DISC1: variants seen among roughly 807,000 people sequenced by gnomAD.
The protein encoded by DISC1 is DISC1 scaffold protein.
Under a neutral mutation model 84.5 loss-of-function variants are expected in DISC1, and 57 were observed. The ratio of observed to expected loss-of-function variants is 0.67; its 90% CI spans 0.55 to 0.84. The LOEUF is 0.84. Ranked by LOEUF, DISC1 falls within the 40% of genes least tolerant of loss-of-function variation. The pLI is 0.00. For missense variants in DISC1, 1,000 were observed against 1,057.8 expected, an observed-to-expected ratio of 0.95 and a Z score of 0.76; for synonymous variants, 411 against 415.2, an observed-to-expected ratio of 0.99 and a Z score of 0.12.
At chr1:231,696,038 AC>A (rs1484169105) in intron 2 of DISC1, among the ~76,000 whole-genome samples, 1 of 151,918 alleles carries the variant, frequency 6.6e-6, no homozygotes, top group African/African-American at 2.4e-5. Flanking sequence ...TTTCCCCGAA[AC>A]CCGTTCTGAA....
At chr1:231,943,159 A>G (rs1333154805) in intron 9 of DISC1, among the ~76,000 whole-genome samples, 1 of 152,246 alleles carries the variant, frequency 6.6e-6, no homozygotes. Flanking sequence ...AGCATGTTCT[A>G]TTGTCCTACC....
intron 1 of DISC1, among the ~76,000 whole-genome samples, chr1:231,667,257 A>G (rs1201521882): frequency 1.3e-5 from 2 of 152,250 alleles, no homozygotes; most frequent in African/African-American, 2.4e-5. Flanking sequence ...CAAGGGAGGT[A>G]GGAAGAAAAG....
chr1:231,778,901 C>A (rs922122659), intron 6 of DISC1, among the ~76,000 whole-genome samples: 1 of 152,184 alleles, frequency 6.6e-6, no homozygotes, highest in African/African-American at 2.4e-5. Context: ...GAGTTCCCAG[C>A]CCCAGTGGGC....
intron 9 of DISC1, among the ~76,000 whole-genome samples, chr1:231,861,548 A>G (rs1420397768): frequency 3.7e-5 from 5 of 135,380 alleles, no homozygotes; most frequent in Non-Finnish European, 6.3e-5. Context: ...GAGCCTAATT[A>G]TTATTTAGTT....
At chr1:231,827,014 A>C (rs2081902777) in intron 9 of DISC1, among the ~76,000 whole-genome samples, 1 of 151,966 alleles carries the variant, frequency 6.6e-6, no homozygotes, top group Non-Finnish European at 1.5e-5. Context: ...TTTGAGACAG[A>C]GTCTCAGTCT....
chr1:232,007,204 G>A (rs758851973), intron 10 of DISC1, among the ~76,000 whole-genome samples: 7 of 152,198 alleles, frequency 4.6e-5, no homozygotes, highest in Non-Finnish European at 8.8e-5. Context: ...CCCACACTGA[G>A]TCCCCACTGG....
chr1:231,709,862 T>G (rs374094005), intron 3 of DISC1, among the ~76,000 whole-genome samples: 8 of 152,172 alleles, frequency 5.3e-5, no homozygotes, highest in Admixed American at 2.0e-4. Context: ...TAGAGTCCGG[T>G]TGATGAAGCA....
intron 9 of DISC1, among the ~76,000 whole-genome samples, chr1:231,921,961 T>C (rs1174685435): frequency 6.6e-6 from 1 of 152,206 alleles, no homozygotes; most frequent in Non-Finnish European, 1.5e-5. Flanking sequence ...TGAAACTTTT[T>C]ACCCTTTGAT....
chr1:231,702,455 G>A (rs1026713579), intron 3 of DISC1: 28 of 987,268 alleles, frequency 2.8e-5, no homozygotes, highest in Non-Finnish European at 3.4e-5. Flanking sequence ...CCTTCATGGG[G>A]CTCTCTGACT....
At chr1:231,654,134 G>T (rs997973707) in intron 1 of DISC1, among the ~76,000 whole-genome samples, 1 of 152,210 alleles carries the variant, frequency 6.6e-6, no homozygotes. Context: ...CAATGGCTAC[G>T]TTTGAAGTGA....
intron 10 of DISC1, among the ~76,000 whole-genome samples, chr1:231,997,795 T>C (rs1328318816): frequency 2.0e-5 from 3 of 152,184 alleles, no homozygotes; most frequent in African/African-American, 7.2e-5. Flanking sequence ...CACTGGGACC[T>C]GCACAAGTGA....
intron 9 of DISC1, among the ~76,000 whole-genome samples, chr1:231,914,914 G>A (rs1325100808): frequency 6.6e-6 from 1 of 152,246 alleles, no homozygotes; most frequent in Non-Finnish European, 1.5e-5. Flanking sequence ...TCCTGTACCA[G>A]TCAGGAGCCT....
intron 9 of DISC1, among the ~76,000 whole-genome samples, chr1:231,939,465 T>C (rs2091172774): frequency 6.6e-6 from 1 of 152,224 alleles, no homozygotes; most frequent in Admixed American, 6.5e-5. Flanking sequence ...CATTCTCCTT[T>C]GTAGGGCCCT....
chr1:231,726,138 A>G (rs2070655593), intron 3 of DISC1, among the ~76,000 whole-genome samples: 1 of 152,220 alleles, frequency 6.6e-6, no homozygotes, highest in African/African-American at 2.4e-5. Flanking sequence ...GCTTAATAAC[A>G]GGCACAGCCC....
intron 9 of DISC1, among the ~76,000 whole-genome samples, chr1:231,933,523 C>T (rs755354242): frequency 6.6e-6 from 1 of 152,146 alleles, no homozygotes; most frequent in Non-Finnish European, 1.5e-5. Context: ...CTTTTCCCTC[C>T]ACATGCCTGG....
intron 9 of DISC1, among the ~76,000 whole-genome samples, chr1:231,842,879 A>T (rs1265579831): frequency 6.6e-6 from 1 of 152,162 alleles, no homozygotes; most frequent in Non-Finnish European, 1.5e-5. Flanking sequence ...TTTGAAGGAG[A>T]CTTGTGACAG....
intron 9 of DISC1, among the ~76,000 whole-genome samples, chr1:231,905,960 A>G (rs1057452250): frequency 6.6e-6 from 1 of 150,748 alleles, no homozygotes; most frequent in African/African-American, 2.4e-5. Context: ...TCTTTGTACT[A>G]TATTTGTAAC....
chr1:231,884,940 C>T (rs185597422), intron 9 of DISC1, among the ~76,000 whole-genome samples: 1 of 152,278 alleles, frequency 6.6e-6, no homozygotes, highest in East Asian at 1.9e-4. Context: ...TTTGTCCCCT[C>T]CTCTCTTCTC....
intron 10 of DISC1, among the ~76,000 whole-genome samples, chr1:231,994,363 A>G (rs561586357): frequency 2.2e-4 from 34 of 152,296 alleles, no homozygotes; most frequent in African/African-American, 7.9e-4. Flanking sequence ...TCCCAGAAGA[A>G]CCAGGTGGAA....
Sources: allele counts gnomAD v4.1 joint callset (sites outside exome capture counted in the v4.1 genomes callset), GRCh38; gene constraint gnomAD v4.1.1; transcripts MANE v1.5; gene names NCBI Gene and HGNC (gene_info 2026-07-23, HGNC 2026-07-21).